The following CCDC88A variants were observed in gnomAD, a reference collection of about 807,000 sequenced individuals.
CCDC88A encodes girdin.
A neutral mutation model predicts 234.3 loss-of-function variants in CCDC88A; 54 were observed. The ratio of observed to expected loss-of-function variants is 0.23; its 90% CI spans 0.19 to 0.29. CCDC88A has a LOEUF of 0.29. Ranked by LOEUF, CCDC88A falls within the 10% of genes least tolerant of loss-of-function variation. The probability of loss-of-function intolerance (pLI) is 1.00; values close to 1 mark genes in which losing one functional copy is unlikely to be tolerated. For missense variants in CCDC88A, 1,832 were observed against 2,123.4 expected (o/e 0.86, Z 2.70); for synonymous variants, 753 against 737.8 (o/e 1.02, Z -0.33).
At chr2:55,303,414 C>A (rs1303041843) in intron 25 of CCDC88A, among the ~76,000 whole-genome samples, 5 of 130,604 alleles carry the variant, frequency 3.8e-5, no homozygotes, top group African/African-American at 1.6e-4. Flanking sequence ...TTTTTTGAGA[C>A]GGAGTTTTGC....
In CCDC88A at chr2:55,364,040, T is replaced by C. The variant is rs41281505; in HGVS notation, c.403-7A>G. 14,338 of 1,349,318 alleles carry C rather than the reference T, an allele frequency of 0.011. 98 individuals are homozygous for C. Among genetic ancestry groups the C allele is most frequent in the Non-Finnish European group, 0.014 (13,006 of 953,716 alleles). The allele number at this position is 1,349,318 out of a possible 1,614,324, so 83.6% of individuals were successfully genotyped here. On this transcript the variant is annotated splice_polypyrimidine_tract_variant and splice_region_variant and intron_variant, in intron 5 of 32. Transcript: ENST00000436346. ...ATTCCTCTTTTTTCTGACACTAAAA[T>C]AAATGAATAAAATAGTTATTCATAC... is the stretch of plus-strand genomic sequence containing the variant.
intron 9 of CCDC88A, among the ~76,000 whole-genome samples, chr2:55,346,571 C>G (rs542642447): frequency 3.4e-4 from 51 of 152,228 alleles, no homozygotes; most frequent in African/African-American, 9.9e-4. Context: ...AAGCTCCCCC[C>G]ACCATGCCCG....
intron 2 of CCDC88A, chr2:55,403,385 G>A (rs1486292036): frequency 6.6e-6 from 1 of 152,078 alleles, no homozygotes; most frequent in African/African-American, 2.4e-5. Context: ...AAGATTCAAG[G>A]GTCAAGACCC....
At chr2:55,382,345 T>C (rs1179312241) in intron 3 of CCDC88A, among the ~76,000 whole-genome samples, 2 of 152,208 alleles carry the variant, frequency 1.3e-5, no homozygotes, top group African/African-American at 2.4e-5. Context: ...CATACAAACA[T>C]TTCCTAATAA....
At chr2:55,381,044 A>AT (rs1674501324) in intron 3 of CCDC88A, among the ~76,000 whole-genome samples, 1 of 152,150 alleles carries the variant, frequency 6.6e-6, no homozygotes, top group South Asian at 2.1e-4. Flanking sequence ...ATAAAACCAT[A>AT]TTTTTACTAT....
At chr2:55,386,420 T>A (rs186061888) in intron 3 of CCDC88A, among the ~76,000 whole-genome samples, 8 of 146,754 alleles carry the variant, frequency 5.5e-5, no homozygotes, top group African/African-American at 7.7e-5. Context: ...GGCAACATAG[T>A]GAGACTCTGT....
In CCDC88A at chr2:55,332,620, T is replaced by G; in HGVS notation, c.2801A>C (p.Lys934Thr). Residue 934 changes from lysine to threonine, a missense_variant, in exon 16 of 33, where the codon AAG becomes ACG. Physicochemically the swap from Lys to Thr is moderately conservative, Grantham distance 78 (BLOSUM62 -1). Transcript: ENST00000436346. The surrounding 1 kb of genome is among the most constrained non-coding windows in gnomAD (Gnocchi z 4.5). ...GAGTCGCTCCTTATTTAACCCTATC[T>G]TCTCAAGCTCATGAGTTAATTTTTC... Reference protein sequence around the residue: ...DLEKLTHELEKIGLNKERLLH... With the variant: ...DLEKLTHELETIGLNKERLLH... 1 of 1,613,474 alleles carries G rather than the reference T, an allele frequency of 6.2e-7. No individual in the cohort carries two copies. Among genetic ancestry groups the G allele is most frequent in the East Asian group, 2.2e-5 (1 of 44,760 alleles).
chr2:55,291,593 C>A, intron 32 of CCDC88A, 83 bp downstream of exon 32: 1 of 549,922 alleles, frequency 1.8e-6, no homozygotes, highest in South Asian at 3.0e-5. Flanking sequence ...TCTGTTAATG[C>A]AATGTGCACT....
chr2:55,379,021 C>T (rs952107608), intron 3 of CCDC88A, among the ~76,000 whole-genome samples: 4 of 152,184 alleles, frequency 2.6e-5, no homozygotes, highest in African/African-American at 4.8e-5. Context: ...GCAAGGATTA[C>T]AGGCATGAAC....
At chr2:55,312,833 C>T in intron 22 of CCDC88A, 1 of 263,274 alleles carries the variant, frequency 3.8e-6, no homozygotes, top group Non-Finnish European at 7.2e-6. Flanking sequence ...TATCTACTCC[C>T]CAAACACTGC....
At position 55,296,442 on chromosome 2, in the gene CCDC88A, G is replaced by T. The variant is rs775629663; in HGVS notation, c.4907C>A (p.Ser1636Tyr). The T allele has an allele frequency of 6.8e-6, 11 of 1,614,082 alleles. No individual in the cohort carries two copies. The highest frequency in any genetic ancestry group is 9.3e-6 in the Non-Finnish European group (11 of 1,180,038). ...CTGGATTGGACTGCTACCACTGCTG[G>T]ACCAAGCCTCATGGTCATGAAGCAG... Reference protein sequence around the residue: ...FSLLHDHEAWSSSGSSPIQYL... With the variant: ...FSLLHDHEAWYSSGSSPIQYL... Residue 1636 changes from serine to tyrosine, a missense_variant, in exon 30 of 33, where the codon TCC becomes TAC. Physicochemically the swap from Ser to Tyr is moderately radical, Grantham distance 144 (BLOSUM62 -2). Around this residue, in one of 6 missense-constraint regions of CCDC88A, gnomAD observed 422 missense variants for 416.5 expected, o/e 1.01. Transcript: ENST00000436346.
In CCDC88A at chr2:55,374,145, G is replaced by A. The variant is rs1412711790; in HGVS notation, c.343+669C>T. 3.9e-5 allele frequency among the ~76,000 whole-genome samples: 6 copies of A among 152,144 alleles called. No homozygotes were observed. The South Asian group carries it at 8.3e-4, about 21-fold the overall frequency. On this transcript the variant is annotated intron_variant, in intron 4 of 32. Coordinates refer to ENST00000436346, the MANE Select transcript of CCDC88A (RefSeq NM_001365480.1). ...TCCCAGCACTTTGGGAGGCCGAGGC[G>A]GGCAGATCACCTGAGGTCAGGAGTT... is the stretch of plus-strand genomic sequence containing the variant.
At chr2:55,412,976 G>A (rs892268046) in intron 2 of CCDC88A, among the ~76,000 whole-genome samples, 1 of 152,138 alleles carries the variant, frequency 6.6e-6, no homozygotes, top group Non-Finnish European at 1.5e-5. Flanking sequence ...AGCTGAGGTG[G>A]GAGGATCACT....
At chr2:55,387,779 CAAAAAAAAAAA>C (rs66479611) in intron 3 of CCDC88A, among the ~76,000 whole-genome samples, 3 of 64,852 alleles carry the variant, frequency 4.6e-5, no homozygotes, top group African/African-American at 1.6e-4. Flanking sequence ...GGCTCCATCT[CAAAAAAAAAAA>C]AAAAAAAAAG....
At chr2:55,386,056 C>G (rs1231275144) in intron 3 of CCDC88A, among the ~76,000 whole-genome samples, 1 of 149,610 alleles carries the variant, frequency 6.7e-6, no homozygotes, top group Non-Finnish European at 1.5e-5. Context: ...AAACCTGTCT[C>G]TACTAAAAAT....
intron 2 of CCDC88A, among the ~76,000 whole-genome samples, chr2:55,411,408 A>G (rs1270870753): frequency 6.6e-6 from 1 of 152,152 alleles, no homozygotes; most frequent in Admixed American, 6.6e-5. Flanking sequence ...CTACATATGA[A>G]TCATATTGAG....
rs569081224 is a variant in CCDC88A at position 55,390,558 on chromosome 2, G to A, written c.165-1672C>T. ...GAAGGGGAAGCTATTACAAAAAGGA[G>A]GAAGATACCCTCTTGCCATAAAAAA... On this transcript the variant is annotated intron_variant, in intron 2 of 32. Transcript: ENST00000436346. Among the ~76,000 whole-genome samples the A allele has an allele frequency of 9.2e-5, 14 of 152,302 alleles. No homozygotes were observed. The South Asian group carries it at 2.9e-3, about 32-fold the overall frequency.
chr2:55,380,021 C>T (rs1214690449), intron 3 of CCDC88A, among the ~76,000 whole-genome samples: 15 of 132,006 alleles, frequency 1.1e-4, no homozygotes, highest in Non-Finnish European at 1.8e-4. Flanking sequence ...GCCAGGAGTT[C>T]GAGACCAGCC....
intron 25 of CCDC88A, among the ~76,000 whole-genome samples, chr2:55,303,725 A>G (rs1018801400): frequency 6.6e-5 from 10 of 152,178 alleles, no homozygotes; most frequent in Admixed American, 2.6e-4. Flanking sequence ...ACAGTCCTAT[A>G]AAAACAGGAA....
Sources: gnomAD v4.1 joint callset for allele counts (sites outside exome capture counted in the v4.1 genomes callset) on GRCh38, gnomAD v4.1.1 for gene constraint, gnomAD v4.1.1 regional missense constraint, Gnocchi (gnomAD v3.1) non-coding constraint, MANE v1.5 for transcripts, NCBI Gene and HGNC (gene_info 2026-07-23, HGNC 2026-07-21) for gene names.